Variants in MYO1F observed in about 807,000 individuals in gnomAD.
The protein encoded by MYO1F is myosin IF, also known as unconventional myosin-If.
MYO1F carries 60 observed loss-of-function variants against 146.6 expected under a neutral mutation model. That is an observed-to-expected ratio of 0.41 (90% confidence interval 0.33 to 0.51). The LOEUF (loss-of-function observed/expected upper bound fraction) is 0.51, where lower values mean the gene tolerates loss of function less well. Among genes scored for constraint, MYO1F ranks in the 20% least tolerant of loss-of-function variants. MYO1F has a pLI of 0.25. For synonymous variants in MYO1F, 602 were observed against 602.1 expected (o/e 1.00, Z 0.00); for missense variants, 1,274 against 1,534.3 (o/e 0.83, Z 2.83).
At chr19:8,575,363 C>T (rs782396854) in intron 1 of MYO1F, among the ~76,000 whole-genome samples, 3 of 152,082 alleles carry the variant, frequency 2.0e-5, no homozygotes, top group Non-Finnish European at 2.9e-5. Context: ...GTGTGAGCCA[C>T]CGCACCCGGC....
chr19:8,523,725 G>A (rs1972153867), intron 25 of MYO1F, among the ~76,000 whole-genome samples: 1 of 152,028 alleles, frequency 6.6e-6, no homozygotes, highest in South Asian at 2.1e-4. Context: ...TGAGATCATA[G>A]CTCACTGCAG....
intron 19 of MYO1F, among the ~76,000 whole-genome samples, chr19:8,535,342 C>T (rs377261308): frequency 1.3e-5 from 2 of 152,118 alleles, no homozygotes; most frequent in Non-Finnish European, 2.9e-5. Flanking sequence ...CTACCCCGTC[C>T]GTCTTCTCCA....
At chr19:8,539,740 G>A (rs1377870383) in intron 16 of MYO1F, among the ~76,000 whole-genome samples, 1 of 152,190 alleles carries the variant, frequency 6.6e-6, no homozygotes, top group African/African-American at 2.4e-5. Context: ...AGGAGTTGAT[G>A]GAGACCTCCA....
chr19:8,529,210 G>A (rs2145834378), intron 21 of MYO1F, among the ~76,000 whole-genome samples: 1 of 152,304 alleles, frequency 6.6e-6, no homozygotes, highest in African/African-American at 2.4e-5. Context: ...GGTGATCTCA[G>A]TGTGTACCTG....
rs1315280842 is a variant in MYO1F, at chr19:8,523,296, G to C, written c.2855-467C>G. 2.0e-5 allele frequency among the ~76,000 whole-genome samples: 3 copies of C among 151,958 alleles called. No homozygotes were observed. The South Asian group carries it at 6.2e-4, about 32-fold the overall frequency. ...GATCCGCCCGCCTTGGCCTCCCAAA[G>C]TGCTGGGATTACAGGCATGAGCCAC... On this transcript the variant is annotated intron_variant, in intron 25 of 27. Coordinates refer to ENST00000644032, the MANE Select transcript of MYO1F (RefSeq NM_012335.4).
chr19:8,537,202 C>T (rs1972765819), intron 16 of MYO1F, 147 bp from the exon 17 acceptor site: 1 of 653,912 alleles, frequency 1.5e-6, no homozygotes, highest in Non-Finnish European at 2.8e-6. Flanking sequence ...GGCCAGATGT[C>T]CCTGGTCTGT....
intron 1 of MYO1F, among the ~76,000 whole-genome samples, chr19:8,557,036 A>G (rs1179266289): frequency 6.6e-6 from 1 of 152,158 alleles, no homozygotes; most frequent in African/African-American, 2.4e-5. Context: ...CTGTAATCCC[A>G]GCACTTTGGG....
intron 15 of MYO1F, chr19:8,540,229 G>T: frequency 1.9e-6 from 1 of 521,580 alleles, no homozygotes; most frequent in Non-Finnish European, 3.4e-6. Context: ...CTCCAGGTTG[G>T]GGCGCATTGG....
At chr19:8,539,206 G>T (rs1399000801) in intron 16 of MYO1F, among the ~76,000 whole-genome samples, 1 of 151,990 alleles carries the variant, frequency 6.6e-6, no homozygotes, top group Non-Finnish European at 1.5e-5. Context: ...CCTGAGGTCG[G>T]GAGTTCGAGA....
At chr19:8,560,222 C>T (rs10422709) in intron 1 of MYO1F, among the ~76,000 whole-genome samples, 25,623 of 151,778 alleles carry the variant, frequency 0.17, 3,202 homozygotes, top group African/African-American at 0.34. Flanking sequence ...CGGTGGCTCA[C>T]GCCTGTAATC....
At chr19:8,560,280 C>G (rs182791385) in intron 1 of MYO1F, among the ~76,000 whole-genome samples, 7 of 151,632 alleles carry the variant, frequency 4.6e-5, no homozygotes, top group Non-Finnish European at 8.8e-5. Context: ...GTCAGGAGAT[C>G]GAGACCATCC....
At chr19:8,524,039 A>C (rs530911904) in intron 25 of MYO1F, among the ~76,000 whole-genome samples, 61 of 144,532 alleles carry the variant, frequency 4.2e-4, no homozygotes, top group African/African-American at 1.4e-3. Flanking sequence ...GAATTGCTTC[A>C]ACCTGGGAGG....
chr19:8,522,265 G>T (rs1205621799), intron 27 of MYO1F, 112 bp downstream of exon 27: 1 of 1,337,014 alleles, frequency 7.5e-7, no homozygotes, highest in Non-Finnish European at 1.1e-6. Context: ...CTCGTGATCT[G>T]CCCGCCTTGG....
chr19:8,546,487 G>A (rs1456650794), intron 12 of MYO1F, among the ~76,000 whole-genome samples: 1 of 151,804 alleles, frequency 6.6e-6, no homozygotes, highest in East Asian at 1.9e-4. Flanking sequence ...AGCCTTCCGA[G>A]TAGCTGGGAC....
At chr19:8,563,829 A>G (rs1010494924) in intron 1 of MYO1F, among the ~76,000 whole-genome samples, 23 of 151,790 alleles carry the variant, frequency 1.5e-4, no homozygotes, top group South Asian at 2.1e-4. Flanking sequence ...GGGTTTTTCT[A>G]TGTTGGCCAG....
chr19:8,536,478 C>T (rs939532625), intron 18 of MYO1F, 21 bp downstream of exon 18: 9 of 1,407,804 alleles, frequency 6.4e-6, no homozygotes, highest in Non-Finnish European at 9.0e-6. Context: ...ATGGCGAGGG[C>T]GGGGGTGGAG....
rs1972460864 is a variant in MYO1F at position 8,530,900 on chromosome 19, T to A, written c.2044-327A>T. Among the ~76,000 whole-genome samples, 1 of 151,954 alleles carries A rather than the reference T, an allele frequency of 6.6e-6. No homozygotes were observed. The highest frequency in any genetic ancestry group is 1.5e-5 in the Non-Finnish European group (1 of 68,000). On this transcript the variant is annotated intron_variant, in intron 19 of 27. Transcript: ENST00000644032. The surrounding 1 kb of genome is among the most constrained non-coding windows in gnomAD (Gnocchi z 5.8). ...ACTAAAAATACAAAAAGAAATTAGC[T>A]GGGCATGGTGGTAGATGCCTGTGAT... is the stretch of plus-strand genomic sequence containing the variant.
intron 1 of MYO1F, among the ~76,000 whole-genome samples, chr19:8,558,253 T>A (rs1383530996): frequency 2.0e-5 from 3 of 152,116 alleles, no homozygotes; most frequent in Non-Finnish European, 4.4e-5. Flanking sequence ...AGCCCTGACC[T>A]TCTGGGCTCA....
chr19:8,544,328 G>T lies in MYO1F; in HGVS notation c.1493C>A (p.Ala498Asp). ...GTHEHFNSWS[A>D]GFVIHHYAGK... ...AGCGTAGTGGTGGATGACGAAGCCGGCGCTCCAGCTGTTGAAATGCTCGTG... is the reference window on the plus strand; with the variant it reads ...AGCGTAGTGGTGGATGACGAAGCCGTCGCTCCAGCTGTTGAAATGCTCGTG... The change falls in exon 14 of 28, where the codon GCC becomes GAC. Residue 498 changes from alanine (A) to aspartate (D), a missense_variant. By Grantham distance (126) the Ala-to-Asp change is moderately radical (BLOSUM62 -2). Around this residue, in one of 2 missense-constraint regions of MYO1F, gnomAD observed 900 missense variants for 1,155.1 expected, o/e 0.78. Transcript: ENST00000644032. 1 of 1,613,108 alleles carries T rather than the reference G, an allele frequency of 6.2e-7. No homozygotes were observed.
Sources: allele counts gnomAD v4.1 joint callset (sites outside exome capture counted in the v4.1 genomes callset), GRCh38; gene constraint gnomAD v4.1.1; regional missense constraint gnomAD v4.1.1; non-coding constraint Gnocchi (gnomAD v3.1); transcripts MANE v1.5; gene names NCBI Gene and HGNC (gene_info 2026-07-23, HGNC 2026-07-21).